ARHGAP22: variants seen among roughly 807,000 people sequenced by gnomAD.
The protein encoded by ARHGAP22 is rho GTPase-activating protein 22.
Under a neutral mutation model 59.1 loss-of-function variants are expected in ARHGAP22, and 48 were observed. That is an observed-to-expected ratio of 0.81 (90% CI 0.64 to 1.03). The LOEUF is 1.03. Ranked by LOEUF, ARHGAP22 falls within the 50% of genes least tolerant of loss-of-function variation. The pLI is 0.00. For missense variants in ARHGAP22, 1,015 were observed against 958.7 expected (o/e 1.06, Z -0.78); for synonymous variants, 445 against 416.4 (o/e 1.07, Z -0.84).
At chr10:48,527,210 T>G (rs2054403637) in intron 3 of ARHGAP22, among the ~76,000 whole-genome samples, 1 of 152,020 alleles carries the variant, frequency 6.6e-6, no homozygotes, top group Admixed American at 6.6e-5. Context: ...GATGGATGGA[T>G]GGGCAGATGG....
chr10:48,616,249 A>C (rs771101945), intron 1 of ARHGAP22, among the ~76,000 whole-genome samples: 1 of 152,162 alleles, frequency 6.6e-6, no homozygotes, highest in Non-Finnish European at 1.5e-5. Flanking sequence ...AACGGACTAC[A>C]ATATAGTGAA....
At chr10:48,524,805 C>G (rs766948432) in intron 3 of ARHGAP22, among the ~76,000 whole-genome samples, 3 of 152,150 alleles carry the variant, frequency 2.0e-5, no homozygotes, top group Non-Finnish European at 4.4e-5. Flanking sequence ...ACTGTTTCCT[C>G]ACCTGAAAAG....
At chr10:48,431,924 A>G in the ARHGAP22 span, among the ~76,000 whole-genome samples, 24 of 152,216 alleles carry the variant, frequency 1.6e-4, no homozygotes, top group Non-Finnish European at 2.6e-4. Flanking sequence ...TTCAGCCCCT[A>G]AGATCCTAAG....
intron 1 of ARHGAP22, among the ~76,000 whole-genome samples, chr10:48,651,520 A>G (rs547832805): frequency 4.2e-4 from 64 of 150,948 alleles, no homozygotes; most frequent in African/African-American, 1.4e-3. Flanking sequence ...AATCCACCCA[A>G]TCATCACCTG....
Position 48,498,559 on chromosome 10 carries a change from G to A in ARHGAP22, c.323-18795C>T, listed in dbSNP as rs1355820055. 3.3e-5 allele frequency among the ~76,000 whole-genome samples: 5 copies of A among 152,084 alleles called. No individual in the cohort carries two copies. In the East Asian group the frequency reaches 7.7e-4, roughly 23 times the overall value. ...GCCCCGCTGCAGCCTCCCTCTGCCCGGCCCCCTGCCCTATCCTTTGTGGAG... is the reference window on the plus strand; with the variant it reads ...GCCCCGCTGCAGCCTCCCTCTGCCCAGCCCCCTGCCCTATCCTTTGTGGAG... On this transcript the variant is annotated intron_variant, in intron 3 of 9. Coordinates refer to ENST00000249601, the MANE Select transcript of ARHGAP22 (RefSeq NM_021226.4).
intron 3 of ARHGAP22, among the ~76,000 whole-genome samples, chr10:48,548,702 T>C (rs1390827762): frequency 6.6e-6 from 1 of 152,132 alleles, no homozygotes; most frequent in African/African-American, 2.4e-5. Flanking sequence ...AAAGCCCAGG[T>C]CTGAGAGGCC....
intron 1 of ARHGAP22, among the ~76,000 whole-genome samples, chr10:48,590,464 T>C (rs2059684372): frequency 6.6e-6 from 1 of 152,094 alleles, no homozygotes; most frequent in African/African-American, 2.4e-5. Context: ...GAATGAGGCC[T>C]TCCTCTGCTC....
At chr10:48,457,941 G>A in intron 5 of ARHGAP22, among the ~76,000 whole-genome samples, 1 of 117,332 alleles carries the variant, frequency 8.5e-6, no homozygotes, top group African/African-American at 3.2e-5. Context: ...TAGGGAGGGG[G>A]GACCTTCTGT....
intron 2 of ARHGAP22, among the ~76,000 whole-genome samples, chr10:48,582,340 T>C (rs894597449): frequency 3.9e-5 from 6 of 152,146 alleles, no homozygotes; most frequent in African/African-American, 1.4e-4. Context: ...CTGGCCCAGG[T>C]GTCTTGGATG....
Position 48,481,317 on chromosome 10 carries a change from G to A in ARHGAP22, c.323-1553C>T, listed in dbSNP as rs147750402. 9.5e-4 allele frequency among the ~76,000 whole-genome samples: 144 copies of A among 152,310 alleles called. 1 individual carries two copies. The East Asian group carries it at 0.012, about 13-fold the overall frequency. On this transcript the variant is annotated intron_variant, in intron 3 of 9. Coordinates refer to ENST00000249601, the MANE Select transcript of ARHGAP22 (RefSeq NM_021226.4). ...CATTTGGGCTACGAAGGCTGGAATGGCTGAGTGTGCGAGATAGGGAGAGGA... is the reference window on the plus strand; with the variant it reads ...CATTTGGGCTACGAAGGCTGGAATGACTGAGTGTGCGAGATAGGGAGAGGA...
rs1342423619 is a variant in ARHGAP22 at position 48,481,479 on chromosome 10, C to CTTT, written c.323-1718_323-1716dup. 2.0e-5 allele frequency among the ~76,000 whole-genome samples: 3 copies of CTTT among 152,194 alleles called. No individual in the cohort carries two copies. The East Asian group carries it at 5.8e-4, about 29-fold the overall frequency. ...TTACTTGGTTTGTCCTAAATATTCA[C>CTTT]TTTTGTACCTAATCTTGAATTTCTC... On this transcript the variant is annotated intron_variant, in intron 3 of 9. Coordinates refer to ENST00000249601, the MANE Select transcript of ARHGAP22 (RefSeq NM_021226.4).
chr10:48,558,742 G>A (rs1460235037), intron 2 of ARHGAP22, among the ~76,000 whole-genome samples: 2 of 152,140 alleles, frequency 1.3e-5, no homozygotes, highest in East Asian at 3.9e-4. Context: ...AACCCTATAG[G>A]TCTGGGGAAA....
intron 3 of ARHGAP22, among the ~76,000 whole-genome samples, chr10:48,549,323 C>T (rs1043140473): frequency 2.0e-5 from 3 of 152,112 alleles, no homozygotes; most frequent in African/African-American, 4.8e-5. Flanking sequence ...TGTTCTTGGT[C>T]CCTCCTGGTC....
upstream of ARHGAP22, among the ~76,000 whole-genome samples, chr10:48,653,546 G>T (rs2062644400): frequency 6.6e-6 from 1 of 152,246 alleles, no homozygotes; most frequent in Non-Finnish European, 1.5e-5. Context: ...AGCCTCTGGG[G>T]AGTGACCAGG....
intron 3 of ARHGAP22, among the ~76,000 whole-genome samples, chr10:48,492,125 G>T (rs1475818345): frequency 6.6e-6 from 1 of 152,154 alleles, no homozygotes; most frequent in Non-Finnish European, 1.5e-5. Flanking sequence ...AAAGAAAAAA[G>T]GGTAACTGAT....
intron 2 of ARHGAP22, among the ~76,000 whole-genome samples, chr10:48,568,697 C>T (rs1346477080): frequency 2.0e-5 from 3 of 152,224 alleles, no homozygotes; most frequent in Non-Finnish European, 2.9e-5. Flanking sequence ...CAGAGCCTGC[C>T]GGCTGGGTGT....
the ARHGAP22 span, chr10:48,430,578 G>A: frequency 6.5e-6 from 1 of 152,784 alleles, no homozygotes; most frequent in African/African-American, 2.4e-5. Flanking sequence ...TTGCTGTCCA[G>A]AAGCCTGATA....
chr10:48,453,556 C>T, intron 7 of ARHGAP22, 131 bp from the exon 8 acceptor site: 1 of 1,352,266 alleles, frequency 7.4e-7, no homozygotes, highest in Admixed American at 2.1e-5. Context: ...CTGGGTGTAG[C>T]CTGCCTCTGC....
intron 4 of ARHGAP22, among the ~76,000 whole-genome samples, chr10:48,478,308 C>T (rs1251373044): frequency 6.6e-6 from 1 of 152,228 alleles, no homozygotes; most frequent in African/African-American, 2.4e-5. Flanking sequence ...TGATATCATT[C>T]ATGAAGCCTG....
Sources: gnomAD v4.1 joint callset for allele counts (sites outside exome capture counted in the v4.1 genomes callset) on GRCh38, gnomAD v4.1.1 for gene constraint, MANE v1.5 for transcripts, NCBI Gene and HGNC (gene_info 2026-07-23, HGNC 2026-07-21) for gene names.